The following RANBP9 variants were observed in gnomAD, a reference collection of about 807,000 sequenced individuals.
The protein encoded by RANBP9 is RAN binding protein 9, also known as ran-binding protein 9.
Under a neutral mutation model 84.3 loss-of-function variants are expected in RANBP9, and 15 were observed. The ratio of observed to expected loss-of-function variants is 0.18; its 90% CI spans 0.12 to 0.27. The LOEUF (loss-of-function observed/expected upper bound fraction) is 0.27. RANBP9 is among the 10% of genes least tolerant of loss of function. The pLI is 1.00. For synonymous variants in RANBP9, 392 were observed against 349.6 expected (o/e 1.12, Z -1.35); for missense variants, 809 against 912.8 (o/e 0.89, Z 1.46).
At chr6:13,627,732 T>C (rs1341916275) in intron 12 of RANBP9, among the ~76,000 whole-genome samples, 1 of 150,862 alleles carries the variant, frequency 6.6e-6, no homozygotes, top group Non-Finnish European at 1.5e-5. Context: ...ACCATACCCA[T>C]AGTACAGATA....
chr6:13,666,796 ATAC>A (rs1478006095), intron 2 of RANBP9, among the ~76,000 whole-genome samples: 1 of 151,962 alleles, frequency 6.6e-6, no homozygotes, highest in Non-Finnish European at 1.5e-5. Context: ...TATGGAATAA[ATAC>A]TACAAGAAAG....
At chr6:13,694,347 A>G (rs1005013353) in intron 2 of RANBP9, among the ~76,000 whole-genome samples, 1 of 152,232 alleles carries the variant, frequency 6.6e-6, no homozygotes, top group Non-Finnish European at 1.5e-5. Context: ...ATGAATATAT[A>G]CAACAGGGAG....
chr6:13,683,104 T>C (rs1766083636), intron 2 of RANBP9, among the ~76,000 whole-genome samples: 1 of 152,192 alleles, frequency 6.6e-6, no homozygotes, highest in Non-Finnish European at 1.5e-5. Context: ...AGTCTGTTTT[T>C]CCATCTGACA....
chr6:13,640,956 C>A (rs962447084), intron 8 of RANBP9, among the ~76,000 whole-genome samples: 1 of 152,124 alleles, frequency 6.6e-6, no homozygotes, highest in Admixed American at 6.5e-5. Context: ...ATAAGATTTT[C>A]ACATTTTTAA....
intron 12 of RANBP9, 141 bp from the exon 13 acceptor site, chr6:13,625,905 G>A (rs1453486899): frequency 1.8e-6 from 1 of 552,326 alleles, no homozygotes; most frequent in Middle Eastern, 3.1e-4. Flanking sequence ...TCCCAGCACT[G>A]GGACGCTCTA....
At chr6:13,664,973 T>C (rs1358973640) in intron 2 of RANBP9, among the ~76,000 whole-genome samples, 3 of 152,116 alleles carry the variant, frequency 2.0e-5, no homozygotes, top group African/African-American at 4.8e-5. Context: ...TTTATAGTCA[T>C]TTAATATTTT....
intron 2 of RANBP9, among the ~76,000 whole-genome samples, chr6:13,685,164 C>G (rs537753864): frequency 1.3e-5 from 2 of 152,194 alleles, no homozygotes; most frequent in East Asian, 3.9e-4. Context: ...TTCAAGAAAT[C>G]TTTCCTACGG....
intron 2 of RANBP9, among the ~76,000 whole-genome samples, chr6:13,669,184 T>C (rs72829117): frequency 0.4 from 61,285 of 151,618 alleles, 12,867 homozygotes; most frequent in Admixed American, 0.51. Flanking sequence ...AAGTGTGAAA[T>C]CTGAACACTA....
chr6:13,626,920 T>C (rs1027958122), intron 12 of RANBP9, among the ~76,000 whole-genome samples: 1 of 152,180 alleles, frequency 6.6e-6, no homozygotes, highest in African/African-American at 2.4e-5. Context: ...GCCTCTAATA[T>C]TGTGGATTTA....
chr6:13,632,831 C>A (rs1206681270), intron 11 of RANBP9: 10 of 121,704 alleles, frequency 8.2e-5, no homozygotes, highest in African/African-American at 2.8e-4. Flanking sequence ...CTACATTAAG[C>A]AACATTTAAA....
chr6:13,622,621 G>C, intron 13 of RANBP9, 129 bp from the exon 14 acceptor site: 1 of 1,039,798 alleles, frequency 9.6e-7, no homozygotes, highest in Non-Finnish European at 1.3e-6. Flanking sequence ...ATCAGCAAAT[G>C]AAGGTTTCTA....
intron 10 of RANBP9, among the ~76,000 whole-genome samples, 197 bp downstream of exon 10, chr6:13,637,611 G>A (rs1764969554): frequency 6.6e-6 from 1 of 152,142 alleles, no homozygotes; most frequent in Non-Finnish European, 1.5e-5. Flanking sequence ...AAGAAACTAA[G>A]GAAAGAGCTC....
intron 2 of RANBP9, among the ~76,000 whole-genome samples, chr6:13,694,963 T>C (rs971894711): frequency 1.3e-5 from 2 of 152,212 alleles, no homozygotes; most frequent in African/African-American, 2.4e-5. Flanking sequence ...GTTATATGAC[T>C]ATACATGTTT....
At chr6:13,627,925 C>T (rs1270950140) in intron 12 of RANBP9, among the ~76,000 whole-genome samples, 1 of 152,000 alleles carries the variant, frequency 6.6e-6, no homozygotes, top group Non-Finnish European at 1.5e-5. Flanking sequence ...CACACGTTTA[C>T]CTATGTAACA....
chr6:13,683,892 A>G (rs373623631), intron 2 of RANBP9, among the ~76,000 whole-genome samples: 1 of 143,146 alleles, frequency 7.0e-6, no homozygotes, highest in African/African-American at 2.7e-5. Context: ...AATTTGAGAA[A>G]CATGATGGTT....
chr6:13,651,885 T>C (rs897831528), intron 5 of RANBP9, among the ~76,000 whole-genome samples: 3 of 152,198 alleles, frequency 2.0e-5, no homozygotes, highest in Admixed American at 6.5e-5. Context: ...TCTCTGATCA[T>C]CTGCTACTAC....
At position 13,711,089 on chromosome 6, in the gene RANBP9, G is replaced by A. The variant is rs1444515042; in HGVS notation, c.417C>T (p.Ala139=). Residue 139 remains alanine, a synonymous_variant, in exon 1 of 14, where the codon GCC becomes GCT. Transcript: ENST00000011619. The part of the protein sequence containing the change: ...AAAPFPHGDS[A]LNEQEKELQR... ...GCAACTCCTTCTCCTGCTCGTTCAG[G>A]GCCGAGTCCCCGTGAGGGAAGGGGG... 2.5e-6 allele frequency: 4 copies of A among 1,572,930 alleles called. No homozygotes were observed. Among genetic ancestry groups the A allele is most frequent in the East Asian group, 2.4e-5 (1 of 42,486 alleles).
intron 13 of RANBP9, among the ~76,000 whole-genome samples, chr6:13,624,843 T>C (rs1453277900): frequency 6.6e-6 from 1 of 152,124 alleles, no homozygotes; most frequent in Non-Finnish European, 1.5e-5. Flanking sequence ...TAAATGCAAA[T>C]AGAATGTGAC....
rs150485387 is a variant in RANBP9 at position 13,665,692 on chromosome 6, C to G, written c.684-6860G>C. ...GTACAAATAGGTTCATGGCAGATTT[C>G]TTCACAACAGTGAAAAACTTGAAAC... On this transcript the variant is annotated intron_variant, in intron 2 of 13. Transcript: ENST00000011619. 1.9e-4 allele frequency among the ~76,000 whole-genome samples: 29 copies of G among 152,264 alleles called. No homozygotes were observed. In the East Asian group the frequency reaches 5.6e-3, roughly 29 times the overall value.
Sources: allele counts gnomAD v4.1 joint callset (sites outside exome capture counted in the v4.1 genomes callset), GRCh38; gene constraint gnomAD v4.1.1; transcripts MANE v1.5; gene names NCBI Gene and HGNC (gene_info 2026-07-23, HGNC 2026-07-21).